Variants in CBLB observed in about 807,000 individuals in gnomAD.
The protein encoded by CBLB is Cbl proto-oncogene B.
Under a neutral mutation model 104.9 loss-of-function variants are expected in CBLB, and 31 were observed. The ratio of observed to expected loss-of-function variants is 0.30; its 90% confidence interval spans 0.22 to 0.40. The LOEUF (loss-of-function observed/expected upper bound fraction) is 0.40, where lower values mean the gene tolerates loss of function less well. Ranked by LOEUF, CBLB falls within the 10% of genes least tolerant of loss-of-function variation. The pLI is 1.00. For missense variants in CBLB, 1,062 were observed against 1,214.6 expected (o/e 0.87, Z 1.87); for synonymous variants, 440 against 422.6 (o/e 1.04, Z -0.51).
At chr3:105,837,296 T>C (rs2088691085) in intron 3 of CBLB, among the ~76,000 whole-genome samples, 2 of 152,222 alleles carry the variant, frequency 1.3e-5, no homozygotes, top group Non-Finnish European at 2.9e-5. Flanking sequence ...CAATAATACA[T>C]ACCAAATGAA....
chr3:105,661,983 T>C (rs997512794), intron 18 of CBLB, among the ~76,000 whole-genome samples: 3 of 152,132 alleles, frequency 2.0e-5, no homozygotes, highest in African/African-American at 7.2e-5. Flanking sequence ...CAGAGAAGTG[T>C]GAAAGAACAA....
At chr3:105,772,336 T>G (rs2078966805) in intron 4 of CBLB, among the ~76,000 whole-genome samples, 1 of 152,188 alleles carries the variant, frequency 6.6e-6, no homozygotes, top group African/African-American at 2.4e-5. Flanking sequence ...AGAATGAAAC[T>G]GGATCCCCAT....
At chr3:105,660,935 T>C (rs1308787755) in intron 18 of CBLB, among the ~76,000 whole-genome samples, 2 of 151,546 alleles carry the variant, frequency 1.3e-5, no homozygotes, top group Non-Finnish European at 2.9e-5. Context: ...GATAAAAGCA[T>C]TTGTTTCCAC....
intron 3 of CBLB, among the ~76,000 whole-genome samples, chr3:105,822,611 T>C (rs1025292919): frequency 2.6e-5 from 4 of 152,160 alleles, no homozygotes; most frequent in East Asian, 1.9e-4. Flanking sequence ...CCTTTTTAGA[T>C]ATGCATGGGA....
chr3:105,869,071 G>A, upstream of CBLB: 2 of 1,043,588 alleles, frequency 1.9e-6, no homozygotes, highest in Non-Finnish European at 2.4e-6. Flanking sequence ...GCGGGGGCGG[G>A]GCCGGGCGCC....
intron 3 of CBLB, among the ~76,000 whole-genome samples, chr3:105,789,425 C>A (rs1361769104): frequency 3.9e-5 from 6 of 152,032 alleles, no homozygotes; most frequent in Non-Finnish European, 8.8e-5. Context: ...AACCAGGGAA[C>A]GTTTTTAGAA....
chr3:105,815,517 G>C (rs1051390001), intron 3 of CBLB, among the ~76,000 whole-genome samples: 5 of 152,150 alleles, frequency 3.3e-5, no homozygotes, highest in Non-Finnish European at 7.3e-5. Flanking sequence ...ACGCCAGTTA[G>C]AATGGTGATC....
At chr3:105,660,053 A>G (rs1027850138) in intron 18 of CBLB, among the ~76,000 whole-genome samples, 16 of 152,288 alleles carry the variant, frequency 1.1e-4, no homozygotes, top group Admixed American at 4.6e-4. Context: ...ATGAATGGAG[A>G]GTAACCTTAA....
intron 10 of CBLB, among the ~76,000 whole-genome samples, chr3:105,709,747 T>C (rs2070776412): frequency 6.6e-6 from 1 of 151,930 alleles, no homozygotes; most frequent in Non-Finnish European, 1.5e-5. Context: ...GAAAGAATCA[T>C]ACAATTTTTT....
chr3:105,697,273 G>T (rs769990405), intron 12 of CBLB, among the ~76,000 whole-genome samples: 3 of 151,822 alleles, frequency 2.0e-5, no homozygotes, highest in Non-Finnish European at 2.9e-5. Flanking sequence ...AGAAATCTAG[G>T]TTATCTTAGA....
In CBLB at chr3:105,655,884, T is replaced by C. The variant is rs1165352697; in HGVS notation, c.*3086A>G. The C allele has an allele frequency of 1.3e-5, 3 of 222,996 alleles. No homozygotes were observed. Among genetic ancestry groups the C allele is most frequent in the African/African-American group, 2.2e-5 (1 of 44,762 alleles). 13.8% of individuals were successfully genotyped at this position (222,996 alleles called of 1,614,324 possible). On this transcript the variant is annotated 3_prime_UTR_variant, in exon 19 of 19. Transcript: ENST00000394030. Reference sequence around the variant, plus strand: ...AGGAAATGCTTCTGGAACTGAAAAATTAAAAAATCACATTATGAAGAAATC... The same window carrying C: ...AGGAAATGCTTCTGGAACTGAAAAACTAAAAAATCACATTATGAAGAAATC...
intron 10 of CBLB, among the ~76,000 whole-genome samples, chr3:105,708,611 T>C (rs1054809584): frequency 1.9e-4 from 29 of 152,036 alleles, no homozygotes; most frequent in African/African-American, 7.0e-4. Flanking sequence ...AGATCTCCTA[T>C]ATTTAAATTT....
At chr3:105,686,814 C>A (rs764715193) in intron 13 of CBLB, among the ~76,000 whole-genome samples, 1 of 152,032 alleles carries the variant, frequency 6.6e-6, no homozygotes, top group Non-Finnish European at 1.5e-5. Context: ...TTCACATGAG[C>A]GTTACAGGGA....
At chr3:105,865,223 A>G (rs1578013488) in intron 2 of CBLB, among the ~76,000 whole-genome samples, 1 of 152,308 alleles carries the variant, frequency 6.6e-6, no homozygotes, top group South Asian at 2.1e-4. Context: ...TCTGTACTAC[A>G]CACTTATATA....
At chr3:105,733,736 G>C (rs1262059871) in intron 9 of CBLB, among the ~76,000 whole-genome samples, 3 of 152,130 alleles carry the variant, frequency 2.0e-5, no homozygotes, top group Non-Finnish European at 2.9e-5. Context: ...AAAATGTCTA[G>C]TTGGTAATAC....
At chr3:105,703,877 T>A (rs1331935233) in intron 11 of CBLB, 111 bp downstream of exon 11, 1 of 932,256 alleles carries the variant, frequency 1.1e-6, no homozygotes, top group Admixed American at 2.1e-5. Context: ...CTCATCAAAC[T>A]TATTCACAAT....
chr3:105,837,400 C>T (rs1362347240), intron 3 of CBLB, among the ~76,000 whole-genome samples: 1 of 152,104 alleles, frequency 6.6e-6, no homozygotes, highest in Non-Finnish European at 1.5e-5. Flanking sequence ...CAACACATCA[C>T]AGAAACAAAA....
intron 7 of CBLB, among the ~76,000 whole-genome samples, chr3:105,739,129 C>T (rs1331436233): frequency 1.3e-5 from 2 of 152,130 alleles, no homozygotes; most frequent in African/African-American, 4.8e-5. Context: ...AGCCTGACCT[C>T]GAACTCCTGG....
rs972678401 is a variant in CBLB at position 105,730,132 on chromosome 3, A to AT, written c.1203+3876dup. Among the ~76,000 whole-genome samples the AT allele has an allele frequency of 3.3e-3, 490 of 149,338 alleles. 1 individual carries two copies. Among genetic ancestry groups the AT allele is most frequent in the Admixed American group, 7.3e-3 (109 of 14,982 alleles). Reference sequence around the variant, plus strand: ...ACATGAACCGGGGATTACTGTGCATATTTTTTTTTTGGTGTAAAACAGCGA... The same window carrying AT: ...ACATGAACCGGGGATTACTGTGCATATTTTTTTTTTTGGTGTAAAACAGCGA... On this transcript the variant is annotated intron_variant, in intron 9 of 18. Transcript: ENST00000394030.
Sources: allele counts gnomAD v4.1 joint callset (sites outside exome capture counted in the v4.1 genomes callset), GRCh38; gene constraint gnomAD v4.1.1; transcripts MANE v1.5; gene names NCBI Gene and HGNC (gene_info 2026-07-23, HGNC 2026-07-21).